NAMPT: variants seen among roughly 807,000 people sequenced by gnomAD.
NAMPT encodes the protein nicotinamide phosphoribosyltransferase.
NAMPT carries 7 observed loss-of-function variants against 58.7 expected under a neutral mutation model. That is an observed-to-expected ratio of 0.12 (90% CI 0.07 to 0.22). The LOEUF is 0.22. Ranked by LOEUF, NAMPT falls within the 10% of genes least tolerant of loss-of-function variation. The pLI is 1.00. For missense variants in NAMPT, 271 were observed against 567.9 expected (o/e 0.48, Z 5.31); for synonymous variants, 145 against 198.1 (o/e 0.73, Z 2.25).
chr7:106,265,548 T>C (rs1792393461), intron 6 of NAMPT, among the ~76,000 whole-genome samples: 1 of 143,826 alleles, frequency 7.0e-6, no homozygotes, highest in African/African-American at 2.7e-5. Context: ...ACATACCTTG[T>C]GTGAAACACT....
At position 106,249,817 on chromosome 7, in the gene NAMPT, T is replaced by C. The variant is rs865895080; in HGVS notation, c.*1266A>G. On this transcript the variant is annotated 3_prime_UTR_variant, in exon 11 of 11. Transcript: ENST00000222553. ...CAGATCTACATACATAAAAGAATCA[T>C]TCGAAAGAAACTGGTCTCTAGTCAG... The C allele has an allele frequency of 2.0e-5, 3 of 151,966 alleles. No individual in the cohort carries two copies. Among genetic ancestry groups the C allele is most frequent in the Non-Finnish European group, 2.9e-5 (2 of 67,942 alleles). 9.4% of individuals were successfully genotyped at this position (151,966 alleles called of 1,614,324 possible).
At chr7:106,284,783 C>T in intron 1 of NAMPT, 45 bp downstream of exon 1, 1 of 1,445,170 alleles carries the variant, frequency 6.9e-7, no homozygotes, top group Non-Finnish European at 9.2e-7. Flanking sequence ...CGCTCGTCCC[C>T]AGCGCGCCCC....
chr7:106,285,248 T>TCCTC, upstream of NAMPT: 1 of 908,230 alleles, frequency 1.1e-6, no homozygotes, highest in Non-Finnish European at 1.4e-6. Context: ...CACGCGCTCT[T>TCCTC]CCTCCCAGAC....
intron 1 of NAMPT, among the ~76,000 whole-genome samples, chr7:106,280,659 T>G (rs1057478110): frequency 6.6e-6 from 1 of 152,084 alleles, no homozygotes; most frequent in African/African-American, 2.4e-5. Context: ...GGTAAAGAAC[T>G]GGCCGGGCAC....
chr7:106,254,299 T>A, intron 9 of NAMPT, 65 bp downstream of exon 9: 1 of 1,571,544 alleles, frequency 6.4e-7, no homozygotes, highest in Non-Finnish European at 8.7e-7. Flanking sequence ...ATGCACTCAA[T>A]AACCACATTC....
At chr7:106,281,975 T>C (rs567581270) in intron 1 of NAMPT, among the ~76,000 whole-genome samples, 1 of 152,316 alleles carries the variant, frequency 6.6e-6, no homozygotes, top group African/African-American at 2.4e-5. Context: ...ATTTTATTTA[T>C]GGTGCTCAAG....
chr7:106,267,819 C>T (rs1166226444), intron 6 of NAMPT, among the ~76,000 whole-genome samples: 13 of 91,830 alleles, frequency 1.4e-4, no homozygotes, highest in African/African-American at 4.8e-4. Context: ...CCAGCCTGGG[C>T]GACAGAGCGA....
At chr7:106,259,069 C>A (rs1792258846) in intron 8 of NAMPT, among the ~76,000 whole-genome samples, 1 of 152,240 alleles carries the variant, frequency 6.6e-6, no homozygotes, top group African/African-American at 2.4e-5. Flanking sequence ...CCTTTGTTGT[C>A]ATTTCAACGA....
At chr7:106,267,848 A>AAAAAAAG (rs1792449909) in intron 6 of NAMPT, among the ~76,000 whole-genome samples, 1 of 83,198 alleles carries the variant, frequency 1.2e-5, no homozygotes, top group African/African-American at 5.3e-5. Context: ...CTCAAAAAAA[A>AAAAAAAG]AAAAAAAAAA....
At chr7:106,285,034 T>A (rs1792845285), upstream of NAMPT, 2 of 1,393,512 alleles carry the variant, frequency 1.4e-6, no homozygotes, top group Non-Finnish European at 9.4e-7. Flanking sequence ...AGGGGAGGGG[T>A]CAGAGGAGGG....
intron 5 of NAMPT, 100 bp from the exon 6 acceptor site, chr7:106,268,700 C>T: frequency 1.3e-6 from 1 of 796,910 alleles, no homozygotes; most frequent in Non-Finnish European, 2.1e-6. Flanking sequence ...AGCATAGCTC[C>T]CATAAGAATT....
intron 10 of NAMPT, among the ~76,000 whole-genome samples, chr7:106,252,806 T>C (rs1178232832): frequency 6.6e-6 from 1 of 152,152 alleles, no homozygotes; most frequent in Non-Finnish European, 1.5e-5. Context: ...TTACGTAATA[T>C]TTCTCCCTAT....
At position 106,261,701 on chromosome 7, in the gene NAMPT, C is replaced by T; in HGVS notation, c.976G>A (p.Glu326Lys). The T allele has an allele frequency of 4.4e-6, 7 of 1,606,160 alleles. No individual in the cohort carries two copies. Among genetic ancestry groups the T allele is most frequent in the Non-Finnish European group, 6.0e-6 (7 of 1,172,976 alleles). Residue 326 changes from glutamate to lysine, a missense_variant, in exon 8 of 11, where the codon GAG becomes AAG. Around this residue, in one of 4 missense-constraint regions of NAMPT, gnomAD observed 143 missense variants for 331.1 expected, o/e 0.43. Transcript: ENST00000222553. ...NPLDTVLKVL[E>K]ILGKKFPVTE... ...ACAGGAAACTTCTTACCTAAAATCT[C>T]CAAAACCTATATGGAAAAATACACA...
At chr7:106,279,786 A>G (rs956281061) in intron 1 of NAMPT, among the ~76,000 whole-genome samples, 3 of 152,182 alleles carry the variant, frequency 2.0e-5, no homozygotes, top group Admixed American at 1.3e-4. Context: ...TCAGATCAAG[A>G]TAGATGCTAT....
chr7:106,259,896 T>TTC (rs1554351404), intron 8 of NAMPT, among the ~76,000 whole-genome samples: 12 of 150,982 alleles, frequency 7.9e-5, no homozygotes, highest in African/African-American at 1.7e-4. Flanking sequence ...TTTTTTTTTT[T>TTC]CCTGAGCAGT....
intron 10 of NAMPT, among the ~76,000 whole-genome samples, chr7:106,252,812 C>T (rs939787761): frequency 6.6e-6 from 1 of 152,006 alleles, no homozygotes; most frequent in Non-Finnish European, 1.5e-5. Context: ...AATATTTCTC[C>T]CTATGTATAC....
upstream of NAMPT, chr7:106,285,337 A>T (rs898460138): frequency 3.7e-5 from 17 of 457,204 alleles, no homozygotes; most frequent in Non-Finnish European, 4.6e-5. Flanking sequence ...AGTTCCCGGC[A>T]CGGGCGCGGG....
intron 3 of NAMPT, among the ~76,000 whole-genome samples, 192 bp from the exon 4 acceptor site, chr7:106,272,850 C>T (rs534526558): frequency 9.2e-5 from 14 of 152,254 alleles, no homozygotes; most frequent in South Asian, 4.1e-4. Flanking sequence ...TATTAACATA[C>T]GTACTGATAT....
intron 10 of NAMPT, among the ~76,000 whole-genome samples, chr7:106,252,495 T>A (rs776301047): frequency 2.2e-4 from 33 of 152,244 alleles, no homozygotes; most frequent in Non-Finnish European, 2.1e-4. Context: ...TGAATATTCA[T>A]GAATAGTTCT....
Sources: gnomAD v4.1 joint callset for allele counts (sites outside exome capture counted in the v4.1 genomes callset) on GRCh38, gnomAD v4.1.1 for gene constraint, gnomAD v4.1.1 regional missense constraint, MANE v1.5 for transcripts, NCBI Gene and HGNC (gene_info 2026-07-23, HGNC 2026-07-21) for gene names.